Variants in MYH7 observed in about 807,000 individuals in gnomAD.
MYH7 encodes myosin heavy chain 7, also known as myosin-7.
A neutral mutation model predicts 225.4 loss-of-function variants in MYH7; 129 were observed. The ratio of observed to expected loss-of-function variants is 0.57; its 90% CI spans 0.50 to 0.66. MYH7 has a LOEUF of 0.66. Ranked by LOEUF, MYH7 falls within the 30% of genes least tolerant of loss-of-function variation. The probability of loss-of-function intolerance (pLI) is 0.00; values close to 1 mark genes in which losing one functional copy is unlikely to be tolerated. For missense variants in MYH7, 1,649 were observed against 2,517.0 expected, an observed-to-expected ratio of 0.66 and a Z score of 7.38; for synonymous variants, 971 against 1,007.6, an observed-to-expected ratio of 0.96 and a Z score of 0.69.
rs1211010545 is a variant in MYH7, at chr14:23,431,648, G to A, written c.669C>T (p.Ala223=). ...KGTLEDQIIQ[A]NPALEAFGNA... is the part of the protein sequence containing the mutation. ...TGCCAAAGGCCTCCAGAGCAGGGTTGGCCTGGATGATCTGGTCCTCCAGGG... is the reference window on the plus strand; with the variant it reads ...TGCCAAAGGCCTCCAGAGCAGGGTTAGCCTGGATGATCTGGTCCTCCAGGG... The change falls in exon 8 of 40, where the codon GCC becomes GCT. Residue 223 remains alanine, a synonymous_variant. Transcript: ENST00000355349. The A allele has an allele frequency of 1.2e-6, 2 of 1,614,244 alleles. No individual in the cohort carries two copies. Among genetic ancestry groups the A allele is most frequent in the East Asian group, 2.2e-5 (1 of 44,882 alleles).
chr14:23,419,845 C>T lies in MYH7; in HGVS notation c.3726G>A (p.Lys1242=), dbSNP rs1174937965. ...TSNMEQIIKA[K]ANLEKMCRTL... ...GGAGGGGAGGCCGAGCAGAGCCTGC[C>T]TTGGCCTTGATGATCTGCTCCATGT... Residue 1242 remains lysine, a splice_region_variant and synonymous_variant, in exon 27 of 40, where the codon AAG becomes AAA. Transcript: ENST00000355349. 6.2e-7 allele frequency: 1 copy of T among 1,613,896 alleles called. No homozygotes were observed. Among genetic ancestry groups the T allele is most frequent in the Non-Finnish European group, 8.5e-7 (1 of 1,179,862 alleles).
Position 23,427,792 on chromosome 14 carries a change from C to A in MYH7, c.1681G>T (p.Ala561Ser), listed in dbSNP as rs730880878. Reference sequence around the variant, plus strand: ...ATATTGCGTGGCTTCTGGAAGTTGGCGGATTTGCCCAGGTGGTTGTCAAAC... The same window carrying A: ...ATATTGCGTGGCTTCTGGAAGTTGGAGGATTTGCCCAGGTGGTTGTCAAAC... Reference protein sequence around the residue: ...KLFDNHLGKSANFQKPRNIKG... With the variant: ...KLFDNHLGKSSNFQKPRNIKG... Residue 561 changes from alanine (A) to serine (S), a missense_variant, in exon 16 of 40, where the codon GCC becomes TCC. Ala to Ser is a moderately conservative substitution (Grantham distance 99). Around this residue, in one of 12 missense-constraint regions of MYH7, gnomAD observed 112 missense variants for 161.9 expected, o/e 0.69. Coordinates refer to ENST00000355349, the MANE Select transcript of MYH7 (RefSeq NM_000257.4). 6.2e-7 allele frequency: 1 copy of A among 1,614,152 alleles called. No homozygotes were observed. The highest frequency in any genetic ancestry group is 8.5e-7 in the Non-Finnish European group (1 of 1,180,022).
intron 18 of MYH7, 148 bp from the exon 19 acceptor site, chr14:23,426,229 T>C (rs908948020): frequency 2.1e-6 from 2 of 942,172 alleles, no homozygotes; most frequent in Non-Finnish European, 3.2e-6. Flanking sequence ...GCCACATTTT[T>C]AACTAAAAGG....
intron 26 of MYH7, among the ~76,000 whole-genome samples, chr14:23,420,570 C>T (rs1892435758): frequency 6.6e-6 from 1 of 152,186 alleles, no homozygotes; most frequent in Admixed American, 6.5e-5. Context: ...GACCAGACAA[C>T]TAAAGACCTA....
intron 22 of MYH7, 82 bp from the exon 23 acceptor site, chr14:23,424,231 C>A (rs1566530947): frequency 6.4e-7 from 1 of 1,570,532 alleles, no homozygotes; most frequent in East Asian, 2.3e-5. Flanking sequence ...AGGCACATCA[C>A]TCAAATAGGA....
intron 22 of MYH7, among the ~76,000 whole-genome samples, 179 bp downstream of exon 22, chr14:23,424,590 C>G (rs905545072): frequency 2.0e-5 from 3 of 152,358 alleles, no homozygotes; most frequent in Middle Eastern, 3.4e-3. Context: ...AAAGTCAGCT[C>G]TTTTCCCTCT....
rs753392652 is a variant in MYH7, at chr14:23,414,007, C to A, written c.5655G>T (p.Ala1885=). 4 of 1,614,012 alleles carry A rather than the reference C, an allele frequency of 2.5e-6. No individual in the cohort carries two copies. The South Asian group carries it at 3.3e-5, about 13-fold the overall frequency. Residue 1885 remains alanine (A), a splice_region_variant and synonymous_variant, in exon 38 of 40, where the codon GCG becomes GCT. Transcript: ENST00000355349. ...CCTAGTCCCCAGCAGGGTCACTCACCGCCTCCTCGGCCTGGCGCTTGTAGG... is the reference window on the plus strand; with the variant it reads ...CCTAGTCCCCAGCAGGGTCACTCACAGCCTCCTCGGCCTGGCGCTTGTAGG... The part of the protein sequence containing the change: ...VKAYKRQAEE[A]EEQANTNLSK...
rs730880738 is a variant in MYH7, at chr14:23,425,289, C to T, written c.2416G>A (p.Glu806Lys). The T allele has an allele frequency of 1.2e-6, 2 of 1,614,072 alleles. No homozygotes were observed. The change falls in exon 21 of 40, where the codon GAA becomes AAA. Residue 806 changes from glutamate (E) to lysine (K), a missense_variant. Around this residue, in one of 12 missense-constraint regions of MYH7, gnomAD observed 36 missense variants for 43.2 expected, o/e 0.83. Transcript: ENST00000355349. This position sits in a 1 kb window ranked among gnomAD's most constrained non-coding sequence, Gnocchi z 4.6. ...CCTCTTGAGATCTCTCACCTACGTT[C>T]CAGCAGCTTTTTGTACTCCATTCTG... ...LARMEYKKLL[E>K]RRDSLLVIQW...
In MYH7 at chr14:23,425,858, T is replaced by A. The variant is rs1438381251; in HGVS notation, c.2163-40A>T. 2 of 1,613,466 alleles carry A rather than the reference T, an allele frequency of 1.2e-6. No individual in the cohort carries two copies. Among genetic ancestry groups the A allele is most frequent in the Admixed American group, 3.3e-5 (2 of 60,016 alleles). Reference sequence around the variant, plus strand: ...GTCCAGAGTCACCCATGCTCTGCAGTGATCTGCTCTGCCCATAGAATTCCA... The same window carrying A: ...GTCCAGAGTCACCCATGCTCTGCAGAGATCTGCTCTGCCCATAGAATTCCA... On this transcript the variant is annotated intron_variant, in intron 19 of 39. Coordinates refer to ENST00000355349, the MANE Select transcript of MYH7 (RefSeq NM_000257.4). This position sits in a 1 kb window ranked among gnomAD's most constrained non-coding sequence, Gnocchi z 4.6.
Position 23,416,275 on chromosome 14 carries a change from GC to G in MYH7, c.4681del (p.Ala1561ProfsTer52), listed in dbSNP as rs1566524167. The G allele has an allele frequency of 6.2e-7, 1 of 1,612,966 alleles. No individual in the cohort carries two copies. The highest frequency in any genetic ancestry group is 1.1e-5 in the South Asian group (1 of 91,036). ...LEHEEGKILRAQLEFNQIKAE... is the reference protein window; with the variant it reads ...LEHEEGKILRXQLEFNQIKAE... ...CTTGATCTGGTTGAACTCCAGCTGG[GC>G]CCGGAGGATCTTGCCCTCCTCGTGC... On this transcript the variant is annotated frameshift_variant, in exon 34 of 40. Transcript: ENST00000355349. LOFTEE classifies it high-confidence loss of function.
chr14:23,430,422 A>T (rs1248590860), intron 11 of MYH7, 138 bp downstream of exon 11: 7 of 732,942 alleles, frequency 9.6e-6, no homozygotes, highest in Admixed American at 8.0e-5. Context: ...CACCCTGATC[A>T]CAGGGCACAT....
At chr14:23,428,829 G>T (rs1289069571) in intron 14 of MYH7, 126 bp downstream of exon 14, 1 of 1,572,546 alleles carries the variant, frequency 6.4e-7, no homozygotes. Context: ...GAAAATGACT[G>T]CCTCTGTCAC....
At chr14:23,429,724 A>C in intron 12 of MYH7, 51 bp downstream of exon 12, 3 of 1,606,576 alleles carry the variant, frequency 1.9e-6, no homozygotes, top group Non-Finnish European at 2.5e-6. Flanking sequence ...TGCTGAGCAG[A>C]CATGGCCCTC....
At chr14:23,422,383 G>A in intron 24 of MYH7, 58 bp from the exon 25 acceptor site, 1 of 1,612,306 alleles carries the variant, frequency 6.2e-7, no homozygotes, top group South Asian at 1.1e-5. Flanking sequence ...TGGTGATTTT[G>A]TTGTTCAGTT....
chr14:23,432,914 C>A, intron 4 of MYH7, 119 bp from the exon 5 acceptor site: 1 of 1,499,948 alleles, frequency 6.7e-7, no homozygotes, highest in South Asian at 1.2e-5. Context: ...TGCATGCACT[C>A]AATCTGAGTA....
chr14:23,432,954 C>T, intron 4 of MYH7, 130 bp downstream of exon 4: 14 of 1,518,706 alleles, frequency 9.2e-6, no homozygotes, highest in South Asian at 3.5e-5. Context: ...TGGAATTGAA[C>T]CAAGGATGTT....
At chr14:23,418,524 C>G (rs1892330399) in intron 29 of MYH7, 118 bp from the exon 30 acceptor site, 1 of 1,169,102 alleles carries the variant, frequency 8.6e-7, no homozygotes, top group Non-Finnish European at 1.2e-6. Context: ...ATGTCCAAAC[C>G]CCCAGTGGAC....
intron 9 of MYH7, 74 bp from the exon 10 acceptor site, chr14:23,431,073 G>T: frequency 8.9e-7 from 1 of 1,125,990 alleles, no homozygotes; most frequent in Non-Finnish European, 1.3e-6. Context: ...AATGATAAAT[G>T]TAGCAAGCAA....
Position 23,428,555 on chromosome 14 carries a change from C to T in MYH7, c.1523G>A (p.Trp508Ter). The T allele has an allele frequency of 6.2e-7, 1 of 1,614,182 alleles. No homozygotes were observed. The highest frequency in any genetic ancestry group is 8.5e-7 in the Non-Finnish European group (1 of 1,180,046). The change falls in exon 15 of 40, where the codon TGG becomes TAG. Residue 508 changes from tryptophan to a stop codon, truncating the protein, a stop_gained. Transcript: ENST00000355349. LOFTEE classifies it high-confidence loss of function. ...GTCCATGCCAAAGTCAATGAATGTC[C>T]ACTCGATGCCCTCCTTCTTGTACTC... ...QEEYKKEGIE[W>*]TFIDFGMDLQ... is the part of the protein sequence containing the mutation.
Sources: gnomAD v4.1 joint callset for allele counts (sites outside exome capture counted in the v4.1 genomes callset) on GRCh38, gnomAD v4.1.1 for gene constraint, gnomAD v4.1.1 regional missense constraint, Gnocchi (gnomAD v3.1) non-coding constraint, MANE v1.5 for transcripts, NCBI Gene and HGNC (gene_info 2026-07-23, HGNC 2026-07-21) for gene names.